UBR3: variants seen among roughly 807,000 people sequenced by gnomAD.
UBR3 encodes E3 ubiquitin-protein ligase UBR3.
Under a neutral mutation model 243.2 loss-of-function variants are expected in UBR3, and 85 were observed. That is an observed-to-expected ratio of 0.35 (90% CI 0.29 to 0.42). The LOEUF is 0.42. Ranked by LOEUF, UBR3 falls within the 10% of genes least tolerant of loss-of-function variation. The pLI, the probability that UBR3 is intolerant of heterozygous loss-of-function variation, is 1.00. For synonymous variants in UBR3, 748 were observed against 799.8 expected (o/e 0.94, Z 1.09); for missense variants, 1,686 against 2,300.8 (o/e 0.73, Z 5.47).
rs376915821 is a variant in UBR3 at position 169,949,952 on chromosome 2, G to A, written c.3432G>A (p.Ser1144=). 3.2e-5 allele frequency: 52 copies of A among 1,613,706 alleles called. No individual in the cohort carries two copies. The Middle Eastern group carries it at 4.9e-4, about 15-fold the overall frequency. ...AVERILLKAA[S]QSRMNKRIIE... is the part of the protein sequence containing the mutation. ...AAAGAATTTTACTAAAAGCTGCATC[G>A]CAAAGTAGAATGAACAAACGCATCA... The change falls in exon 23 of 39, where the codon TCG becomes TCA. Residue 1144 remains serine, a synonymous_variant. Transcript: ENST00000272793.
chr2:170,004,606 G>A (rs191753318), intron 27 of UBR3, among the ~76,000 whole-genome samples: 1 of 152,182 alleles, frequency 6.6e-6, no homozygotes, highest in African/African-American at 2.4e-5. Flanking sequence ...AGGTGAGGAG[G>A]TGGTTTGAAA....
At chr2:169,938,199 T>G (rs1013308708) in intron 19 of UBR3, among the ~76,000 whole-genome samples, 4 of 152,194 alleles carry the variant, frequency 2.6e-5, no homozygotes, top group Non-Finnish European at 5.9e-5. Context: ...TTTTTATTAT[T>G]GAGTTTTAAG....
At chr2:169,949,528 T>C (rs1381316397) in intron 22 of UBR3, 77 bp from the exon 23 acceptor site, 1 of 1,265,888 alleles carries the variant, frequency 7.9e-7, no homozygotes, top group Non-Finnish European at 1.1e-6. Flanking sequence ...CTTTAGAAAA[T>C]ATAGTACTAA....
At chr2:169,908,012 T>C (rs1324163747) in intron 10 of UBR3, among the ~76,000 whole-genome samples, 9 of 152,194 alleles carry the variant, frequency 5.9e-5, no homozygotes, top group Non-Finnish European at 1.3e-4. Context: ...CCTCAGGTGA[T>C]CTGCCCACCT....
intron 1 of UBR3, among the ~76,000 whole-genome samples, chr2:169,841,221 C>G (rs1347039010): frequency 6.6e-6 from 1 of 152,190 alleles, no homozygotes. Flanking sequence ...ACCTCATTGT[C>G]TCTCCTTGGA....
chr2:169,995,528 ACATCAT>A (rs1337065255), intron 26 of UBR3, among the ~76,000 whole-genome samples: 1 of 152,226 alleles, frequency 6.6e-6, no homozygotes, highest in African/African-American at 2.4e-5. Context: ...GTTTTGTTCC[ACATCAT>A]CTGCTTAAAG....
chr2:169,839,586 T>C (rs961857817), intron 1 of UBR3, among the ~76,000 whole-genome samples: 4 of 152,216 alleles, frequency 2.6e-5, no homozygotes, highest in Non-Finnish European at 5.9e-5. Context: ...GTACATTGAT[T>C]TGATCTTTAC....
chr2:169,949,411 G>A (rs1446278101), intron 22 of UBR3, 194 bp from the exon 23 acceptor site: 1 of 514,512 alleles, frequency 1.9e-6, no homozygotes, highest in East Asian at 3.3e-5. Flanking sequence ...CCTTATTACT[G>A]TTTCTAGATT....
chr2:170,049,629 A>C (rs2091170637), intron 32 of UBR3, among the ~76,000 whole-genome samples: 1 of 152,224 alleles, frequency 6.6e-6, no homozygotes, highest in African/African-American at 2.4e-5. Context: ...CCATTTATCC[A>C]TTCTTTACTT....
intron 1 of UBR3, among the ~76,000 whole-genome samples, chr2:169,842,562 C>G (rs995013735): frequency 1.8e-4 from 27 of 152,110 alleles, no homozygotes; most frequent in Non-Finnish European, 1.2e-4. Context: ...TGACACTCAC[C>G]GTGAAGATCT....
At chr2:169,941,393 G>A (rs1299373761) in intron 19 of UBR3, among the ~76,000 whole-genome samples, 3 of 152,020 alleles carry the variant, frequency 2.0e-5, no homozygotes, top group African/African-American at 7.2e-5. Context: ...AATAACTAAA[G>A]ATAAAATAAA....
At chr2:169,880,787 A>G (rs2083791638) in intron 5 of UBR3, among the ~76,000 whole-genome samples, 1 of 151,986 alleles carries the variant, frequency 6.6e-6, no homozygotes, top group Admixed American at 6.6e-5. Flanking sequence ...AGTAGGCCCC[A>G]GTGTCTGTTG....
chr2:169,971,324 G>C (rs2088131862), intron 24 of UBR3, among the ~76,000 whole-genome samples: 1 of 151,598 alleles, frequency 6.6e-6, no homozygotes, highest in African/African-American at 2.4e-5. Flanking sequence ...AAGCTCTTTA[G>C]TTTGATTAGA....
At chr2:169,980,757 TCCCTCCC>T (rs147272428) in intron 24 of UBR3, among the ~76,000 whole-genome samples, 1,890 of 121,494 alleles carry the variant, frequency 0.016, 64 homozygotes, top group African/African-American at 0.057. Flanking sequence ...CCTAATGCTA[TCCCTCCC>T]CCCTCCCCCC....
intron 24 of UBR3, among the ~76,000 whole-genome samples, chr2:169,986,288 G>C (rs1219238384): frequency 6.6e-6 from 1 of 152,060 alleles, no homozygotes; most frequent in Non-Finnish European, 1.5e-5. Context: ...GTGCCTCAAG[G>C]AAAATTAAAA....
chr2:169,835,993 G>GTCCCCCCCCC (rs1194152380), intron 1 of UBR3, among the ~76,000 whole-genome samples: 1 of 30,738 alleles, frequency 3.3e-5, no homozygotes, highest in Non-Finnish European at 6.2e-5. Flanking sequence ...TGTGTGCACT[G>GTCCCCCCCCC]TCTCTCTCTC....
intron 5 of UBR3, among the ~76,000 whole-genome samples, chr2:169,882,105 TTA>T (rs2083892730): frequency 7.8e-6 from 1 of 127,586 alleles, no homozygotes; most frequent in Admixed American, 9.0e-5. Context: ...ACATATATAT[TTA>T]TATTATATAT....
chr2:169,933,880 TAACAAC>T lies in UBR3; in HGVS notation c.2663+894_2663+899del, dbSNP rs67099094. ...AAAACCAAAACGATCTTTAAATCAA[TAACAAC>T]AACAACAACAACAACAACAACCCAG... On this transcript the variant is annotated intron_variant, in intron 19 of 38. Transcript: ENST00000272793. 1.7e-3 allele frequency among the ~76,000 whole-genome samples: 261 copies of T among 151,380 alleles called. 1 individual carries two copies. Among genetic ancestry groups the T allele is most frequent in the South Asian group, 9.4e-3 (45 of 4,798 alleles).
chr2:169,883,997 T>C (rs1375302777), intron 5 of UBR3, among the ~76,000 whole-genome samples: 1 of 151,984 alleles, frequency 6.6e-6, no homozygotes. Flanking sequence ...CACACCCAGC[T>C]AATTTTTGTA....
Sources: gnomAD v4.1 joint callset for allele counts (sites outside exome capture counted in the v4.1 genomes callset) on GRCh38, gnomAD v4.1.1 for gene constraint, MANE v1.5 for transcripts, NCBI Gene and HGNC (gene_info 2026-07-23, HGNC 2026-07-21) for gene names.